The following PCDHGA2 variants were observed in gnomAD, a reference collection of about 807,000 sequenced individuals.
PCDHGA2 encodes protocadherin gamma-A2.
In PCDHGA2, 40 loss-of-function variants were observed where a neutral mutation model predicts 59.2. That is an observed-to-expected ratio of 0.68 (90% CI 0.52 to 0.88). PCDHGA2 has a LOEUF of 0.88. Among genes scored for constraint, PCDHGA2 ranks in the 40% least tolerant of loss-of-function variants. The pLI is 0.00. For synonymous variants in PCDHGA2, 560 were observed against 526.0 expected, an observed-to-expected ratio of 1.06 and a Z score of -0.89; for missense variants, 1,226 against 1,204.0, an observed-to-expected ratio of 1.02 and a Z score of -0.27.
chr5:141,423,201 C>G, intron 1 of PCDHGA2: 1 of 1,613,628 alleles, frequency 6.2e-7, no homozygotes, highest in Non-Finnish European at 8.5e-7. Context: ...TCTCGGCCAC[C>G]GTCACGCTCA....
chr5:141,475,116 C>G (rs1383017919), intron 1 of PCDHGA2, among the ~76,000 whole-genome samples: 2 of 152,128 alleles, frequency 1.3e-5, no homozygotes, highest in African/African-American at 4.8e-5. Context: ...GTAAATAGGC[C>G]TGGCTTTTTT....
intron 1 of PCDHGA2, among the ~76,000 whole-genome samples, chr5:141,492,409 C>T (rs1367119266): frequency 6.6e-6 from 1 of 152,230 alleles, no homozygotes. Context: ...TCCCCTCTGC[C>T]GCTCCCTCCG....
At chr5:141,364,923 A>G (rs1286445808) in intron 1 of PCDHGA2, 1 of 1,613,974 alleles carries the variant, frequency 6.2e-7, no homozygotes, top group Non-Finnish European at 8.5e-7. Context: ...GTGTTGGAAC[A>G]GCCCCTAGAC....
intron 1 of PCDHGA2, chr5:141,414,764 A>G: frequency 6.2e-7 from 1 of 1,614,194 alleles, no homozygotes; most frequent in Non-Finnish European, 8.5e-7. Flanking sequence ...GAGCAGTTTC[A>G]TGAGCTACAG....
In PCDHGA2 at chr5:141,489,584, A is replaced by G. The variant is rs775720718; in HGVS notation, c.2425-5223A>G. Reference sequence around the variant, plus strand: ...CAGGTGGTGACTGAACACCCCCTGGAGCTAATCCGTGTAGAGGTAGAGATC... The same window carrying G: ...CAGGTGGTGACTGAACACCCCCTGGGGCTAATCCGTGTAGAGGTAGAGATC... On this transcript the variant is annotated intron_variant, in intron 1 of 3. Coordinates refer to ENST00000394576, the MANE Select transcript of PCDHGA2 (RefSeq NM_018915.4). The surrounding 1 kb of genome is among the most constrained non-coding windows in gnomAD (Gnocchi z 4.5). The G allele has an allele frequency of 6.2e-7, 1 of 1,614,054 alleles. No homozygotes were observed. Among genetic ancestry groups the G allele is most frequent in the South Asian group, 1.1e-5 (1 of 91,078 alleles).
chr5:141,345,872 G>C, intron 1 of PCDHGA2: 1 of 1,613,472 alleles, frequency 6.2e-7, no homozygotes, highest in Non-Finnish European at 8.5e-7. Context: ...AGGCCAGCGA[G>C]CCGGGACTCT....
chr5:141,491,332 C>T lies in PCDHGA2; in HGVS notation c.2425-3475C>T, dbSNP rs1013118722. 2 of 1,614,072 alleles carry T rather than the reference C, an allele frequency of 1.2e-6. No individual in the cohort carries two copies. The highest frequency in any genetic ancestry group is 2.7e-5 in the African/African-American group (2 of 74,944). On this transcript the variant is annotated intron_variant, in intron 1 of 3. Coordinates refer to ENST00000394576, the MANE Select transcript of PCDHGA2 (RefSeq NM_018915.4). This position sits in a 1 kb window ranked among gnomAD's most constrained non-coding sequence, Gnocchi z 6.9. ...CCTTACCCTTTACCTCATTGTGGCT[C>T]TAGCGACCGTCAGTCTCTTATCCCT...
rs376890554 is a variant in PCDHGA2 at position 141,408,250 on chromosome 5, G to A, written c.2424+66855G>A. 3.6e-4 allele frequency: 569 copies of A among 1,595,986 alleles called. 5 individuals are homozygous for A. The highest frequency in any genetic ancestry group is 1.7e-3 in the South Asian group (151 of 89,354). On this transcript the variant is annotated intron_variant, in intron 1 of 3. Coordinates refer to ENST00000394576, the MANE Select transcript of PCDHGA2 (RefSeq NM_018915.4). ...GGCGCCGGGCCGGCCCGCGGCAGGT[G>A]CTATTTCCTTTGCTGCTGCCTTTGT... is the stretch of plus-strand genomic sequence containing the variant.
At chr5:141,386,427 C>T (rs2090573409) in intron 1 of PCDHGA2, among the ~76,000 whole-genome samples, 1 of 152,052 alleles carries the variant, frequency 6.6e-6, no homozygotes. Context: ...CTGTAGCCCA[C>T]CTGCATGGGA....
chr5:141,389,131 A>G, intron 1 of PCDHGA2: 2 of 1,614,024 alleles, frequency 1.2e-6, no homozygotes, highest in African/African-American at 2.7e-5. Flanking sequence ...AATCCAGAGT[A>G]CAATATAACC....
chr5:141,413,211 G>A, intron 1 of PCDHGA2: 1 of 1,613,214 alleles, frequency 6.2e-7, no homozygotes, highest in South Asian at 1.1e-5. Context: ...AGGAATCAAA[G>A]GATTGCAGCG....
chr5:141,477,970 T>G lies in PCDHGA2; in HGVS notation c.2425-16837T>G. ...TCTTGGGATCCCCTAACCAGAGCCTTTTTGCCATAGGGCTGCACACTGGTC... is the reference window on the plus strand; with the variant it reads ...TCTTGGGATCCCCTAACCAGAGCCTGTTTGCCATAGGGCTGCACACTGGTC... On this transcript the variant is annotated intron_variant, in intron 1 of 3. Coordinates refer to ENST00000394576, the MANE Select transcript of PCDHGA2 (RefSeq NM_018915.4). This position sits in a 1 kb window ranked among gnomAD's most constrained non-coding sequence, Gnocchi z 4.9. 1 of 1,614,090 alleles carries G rather than the reference T, an allele frequency of 6.2e-7. No homozygotes were observed. The highest frequency in any genetic ancestry group is 8.5e-7 in the Non-Finnish European group (1 of 1,180,002).
At chr5:141,408,527 G>A in intron 1 of PCDHGA2, 1 of 1,614,072 alleles carries the variant, frequency 6.2e-7, no homozygotes, top group South Asian at 1.1e-5. Flanking sequence ...ATTGGAAGCT[G>A]TGGTGGAAAA....
At position 141,350,606 on chromosome 5, in the gene PCDHGA2, G is replaced by T. The variant is rs760936917; in HGVS notation, c.2424+9211G>T. ...TGAAAACCCAATGAATGTTTTCCAC[G>T]TGGTTGTTGTAATCCAAGATATTAA... On this transcript the variant is annotated intron_variant, in intron 1 of 3. Transcript: ENST00000394576. The T allele has an allele frequency of 3.1e-6, 5 of 1,614,048 alleles. No homozygotes were observed. In the Admixed American group the frequency reaches 6.7e-5, roughly 22 times the overall value.
intron 1 of PCDHGA2, among the ~76,000 whole-genome samples, chr5:141,444,150 GGATT>G (rs2098419499): frequency 1.8e-5 from 2 of 114,014 alleles, no homozygotes; most frequent in Non-Finnish European, 1.7e-5. Flanking sequence ...TGTGTGTACT[GGATT>G]TTTTTTTTTT....
At chr5:141,415,686 G>A in intron 1 of PCDHGA2, 2 of 1,535,424 alleles carry the variant, frequency 1.3e-6, no homozygotes, top group Non-Finnish European at 1.8e-6. Context: ...GCGGCATGAT[G>A]GTGGAAAGTG....
chr5:141,360,425 G>A, intron 1 of PCDHGA2: 1 of 1,613,966 alleles, frequency 6.2e-7, no homozygotes, highest in Non-Finnish European at 8.5e-7. Flanking sequence ...CAGATATGCG[G>A]GAAGCAGCCT....
chr5:141,373,621 A>G (rs908270659), intron 1 of PCDHGA2, among the ~76,000 whole-genome samples: 1 of 152,256 alleles, frequency 6.6e-6, no homozygotes, highest in Admixed American at 6.5e-5. Flanking sequence ...AGAAGATTGT[A>G]ATATTATTTC....
At chr5:141,386,979 T>C (rs2090768348) in intron 1 of PCDHGA2, among the ~76,000 whole-genome samples, 1 of 152,202 alleles carries the variant, frequency 6.6e-6, no homozygotes, top group South Asian at 2.1e-4. Flanking sequence ...ACTTTGTGTT[T>C]TGAGGCTATG....
Sources: gnomAD v4.1 joint callset for allele counts (sites outside exome capture counted in the v4.1 genomes callset) on GRCh38, gnomAD v4.1.1 for gene constraint, Gnocchi (gnomAD v3.1) non-coding constraint, MANE v1.5 for transcripts, NCBI Gene and HGNC (gene_info 2026-07-23, HGNC 2026-07-21) for gene names.